Variants in SLC44A5 observed in about 807,000 individuals in gnomAD.
SLC44A5 encodes the protein choline transporter-like protein 5.
Under a neutral mutation model 101.8 loss-of-function variants are expected in SLC44A5, and 57 were observed. The ratio of observed to expected loss-of-function variants is 0.56; its 90% confidence interval spans 0.45 to 0.70. SLC44A5 has a LOEUF of 0.70. Among genes scored for constraint, SLC44A5 ranks in the 30% least tolerant of loss-of-function variants. The probability of loss-of-function intolerance (pLI) is 0.00; values close to 1 mark genes in which losing one functional copy is unlikely to be tolerated. For synonymous variants in SLC44A5, 281 were observed against 290.9 expected (o/e 0.97, Z 0.35); for missense variants, 737 against 853.1 (o/e 0.86, Z 1.70).
At position 75,428,759 on chromosome 1, in the gene SLC44A5, C is replaced by T. The variant is rs146268659; in HGVS notation, c.14-32138G>A. 3.4e-3 allele frequency among the ~76,000 whole-genome samples: 512 copies of T among 152,212 alleles called. 4 individuals carry two copies. Among genetic ancestry groups the T allele is most frequent in the Non-Finnish European group, 4.9e-3 (334 of 68,000 alleles). On this transcript the variant is annotated intron_variant, in intron 2 of 23. Transcript: ENST00000370859. Reference sequence around the variant, plus strand: ...GTCTGATTTTACTTTGGCTTATACTCATAAGAGTATGGCAAAGTAGAGTTG... The same window carrying T: ...GTCTGATTTTACTTTGGCTTATACTTATAAGAGTATGGCAAAGTAGAGTTG...
rs1359859697 is a variant in SLC44A5, at chr1:75,331,293, A to G, written c.101+8289T>C. 3.9e-5 allele frequency among the ~76,000 whole-genome samples: 6 copies of G among 152,278 alleles called. No individual in the cohort carries two copies. In the East Asian group the frequency reaches 9.7e-4, roughly 25 times the overall value. ...ATCTCAAATTTAACACAGGCAAAAC[A>G]GAAGTCTTAACCTCTCTAATCTTTT... is the stretch of plus-strand genomic sequence containing the variant. On this transcript the variant is annotated intron_variant, in intron 4 of 23. Transcript: ENST00000370859.
intron 2 of SLC44A5, among the ~76,000 whole-genome samples, chr1:75,436,646 A>T (rs556044618): frequency 6.6e-6 from 1 of 152,252 alleles, no homozygotes; most frequent in South Asian, 2.1e-4. Flanking sequence ...GGCTACACAA[A>T]ATTTATACAC....
At chr1:75,532,389 A>T (rs1020208631) in intron 2 of SLC44A5, among the ~76,000 whole-genome samples, 4 of 143,672 alleles carry the variant, frequency 2.8e-5, no homozygotes, top group South Asian at 4.8e-4. Context: ...TCCTATTTTC[A>T]TACGGTTGTT....
chr1:75,477,587 G>A (rs946578681), intron 2 of SLC44A5, among the ~76,000 whole-genome samples: 9 of 152,170 alleles, frequency 5.9e-5, no homozygotes, highest in South Asian at 2.1e-4. Context: ...ACCAAGGCTC[G>A]AGAACTACGT....
At chr1:75,316,086 C>T (rs575197865) in intron 4 of SLC44A5, among the ~76,000 whole-genome samples, 8 of 152,308 alleles carry the variant, frequency 5.3e-5, no homozygotes, top group Admixed American at 1.3e-4. Context: ...TATAAATCCA[C>T]TAGTCAAAAC....
chr1:75,713,417 A>AAT, the SLC44A5 span, among the ~76,000 whole-genome samples: 2 of 152,172 alleles, frequency 1.3e-5, no homozygotes, highest in African/African-American at 2.4e-5. Context: ...TCTCCTCAGG[A>AAT]ATATATGACT....
rs116988191 is a variant in SLC44A5 at position 75,584,759 on chromosome 1, G to T, written c.-70+26281C>A. ...CAAGTAGCATGTGCCACAATGCCTG[G>T]CTAATTTTTGTGTTTTCAGTAGAGA... On this transcript the variant is annotated intron_variant, in intron 1 of 23. Transcript: ENST00000370859. Among the ~76,000 whole-genome samples, 24 of 152,086 alleles carry T rather than the reference G, an allele frequency of 1.6e-4. No individual in the cohort carries two copies. In the East Asian group the frequency reaches 4.5e-3, roughly 28 times the overall value.
At chr1:75,368,663 ACAC>A (rs1660021608) in intron 3 of SLC44A5, among the ~76,000 whole-genome samples, 1 of 149,954 alleles carries the variant, frequency 6.7e-6, no homozygotes, top group South Asian at 2.1e-4. Context: ...ACACACACAC[ACAC>A]ACACACCACA....
the SLC44A5 span, chr1:75,723,954 CAG>C: frequency 6.6e-6 from 1 of 152,104 alleles, no homozygotes; most frequent in Non-Finnish European, 1.5e-5. Context: ...TCTCAAAACT[CAG>C]GGTCTCACTG....
At chr1:75,251,440 AC>A (rs1306520476) in intron 6 of SLC44A5, 146 bp from the exon 7 acceptor site, 1 of 603,506 alleles carries the variant, frequency 1.7e-6, no homozygotes, top group East Asian at 2.9e-5. Context: ...TCCCTTAGGT[AC>A]CTAACCTTTA....
intron 1 of SLC44A5, among the ~76,000 whole-genome samples, chr1:75,564,365 C>T (rs536345723): frequency 3.2e-4 from 49 of 152,242 alleles, no homozygotes; most frequent in African/African-American, 1.2e-3. Flanking sequence ...CTATCAAAAG[C>T]TTATCAATTT....
At chr1:75,285,839 GAT>G (rs1362736462) in intron 5 of SLC44A5, among the ~76,000 whole-genome samples, 2 of 151,984 alleles carry the variant, frequency 1.3e-5, no homozygotes, top group African/African-American at 4.8e-5. Context: ...GGGAGTACTA[GAT>G]ATAATTTTGA....
intron 1 of SLC44A5, among the ~76,000 whole-genome samples, chr1:75,588,969 G>A (rs1323337220): frequency 6.6e-6 from 1 of 152,148 alleles, no homozygotes; most frequent in Non-Finnish European, 1.5e-5. Flanking sequence ...TATTGACAAA[G>A]AGAAATGCCA....
At position 75,415,060 on chromosome 1, in the gene SLC44A5, T is replaced by C. The variant is rs144554589; in HGVS notation, c.14-18439A>G. Among the ~76,000 whole-genome samples the C allele has an allele frequency of 3.9e-3, 587 of 152,188 alleles. 6 individuals are homozygous for C. In the South Asian group the frequency reaches 0.039, roughly 10 times the overall value. ...CAGGGGAGTGGAACAGTATTCTAGG[T>C]GAGAGATGATTATATCTTGGATAAG... On this transcript the variant is annotated intron_variant, in intron 2 of 23. Coordinates refer to ENST00000370859, the MANE Select transcript of SLC44A5 (RefSeq NM_001130058.2).
chr1:75,549,590 T>G (rs1165101902), intron 1 of SLC44A5, among the ~76,000 whole-genome samples: 1 of 152,144 alleles, frequency 6.6e-6, no homozygotes, highest in Admixed American at 6.6e-5. Flanking sequence ...ATGGTAGGAA[T>G]GAAAAATAGT....
intron 2 of SLC44A5, among the ~76,000 whole-genome samples, chr1:75,401,002 G>C (rs139301662): frequency 1.4e-3 from 208 of 152,268 alleles, no homozygotes; most frequent in African/African-American, 4.9e-3. Flanking sequence ...CTCTTGTAAG[G>C]TGAGCCTCTG....
the SLC44A5 span, among the ~76,000 whole-genome samples, chr1:75,678,900 T>A: frequency 1.3e-5 from 2 of 151,950 alleles, no homozygotes; most frequent in Admixed American, 6.6e-5. Context: ...GAATAATCAA[T>A]ACAGAGAAGT....
intron 1 of SLC44A5, among the ~76,000 whole-genome samples, chr1:75,603,556 A>C (rs1291757993): frequency 1.3e-5 from 2 of 152,006 alleles, no homozygotes; most frequent in South Asian, 4.1e-4. Context: ...AGAGACCTCC[A>C]AACTGCTTTC....
chr1:75,312,273 C>T (rs1430377143), intron 4 of SLC44A5, among the ~76,000 whole-genome samples: 1 of 152,104 alleles, frequency 6.6e-6, no homozygotes, highest in Non-Finnish European at 1.5e-5. Flanking sequence ...TTCATAATTC[C>T]CCAGTCTCGG....
Sources: allele counts gnomAD v4.1 joint callset (sites outside exome capture counted in the v4.1 genomes callset), GRCh38; gene constraint gnomAD v4.1.1; transcripts MANE v1.5; gene names NCBI Gene and HGNC (gene_info 2026-07-23, HGNC 2026-07-21).